GRID1: variants seen among roughly 807,000 people sequenced by gnomAD.
The protein encoded by GRID1 is glutamate ionotropic receptor delta type subunit 1.
Under a neutral mutation model 98.0 loss-of-function variants are expected in GRID1, and 28 were observed. That is an observed-to-expected ratio of 0.29 (90% CI 0.21 to 0.39). The LOEUF (loss-of-function observed/expected upper bound fraction) is 0.39. Among genes scored for constraint, GRID1 ranks in the 10% least tolerant of loss-of-function variants. The probability of loss-of-function intolerance (pLI) is 1.00; values close to 1 mark genes in which losing one functional copy is unlikely to be tolerated. For missense variants in GRID1, 1,111 were observed against 1,340.5 expected, an observed-to-expected ratio of 0.83 and a Z score of 2.67; for synonymous variants, 553 against 538.5, an observed-to-expected ratio of 1.03 and a Z score of -0.37.
At chr10:85,743,376 C>T (rs1258135585) in intron 8 of GRID1, among the ~76,000 whole-genome samples, 1 of 152,092 alleles carries the variant, frequency 6.6e-6, no homozygotes, top group African/African-American at 2.4e-5. Flanking sequence ...AAGCCCTGAC[C>T]AAATTTCTGA....
intron 12 of GRID1, among the ~76,000 whole-genome samples, chr10:85,714,686 G>A (rs1396610352): frequency 6.6e-6 from 1 of 151,968 alleles, no homozygotes; most frequent in Non-Finnish European, 1.5e-5. Flanking sequence ...ACACCAAGGA[G>A]GTGAAAAATC....
At chr10:85,896,120 C>T (rs1841290075) in intron 5 of GRID1, among the ~76,000 whole-genome samples, 1 of 152,164 alleles carries the variant, frequency 6.6e-6, no homozygotes, top group African/African-American at 2.4e-5. Context: ...CTCTTTGAAT[C>T]TGTTCATTCA....
In GRID1 at chr10:85,846,239, T is replaced by C. The variant is rs1322916875; in HGVS notation, c.1233+8257A>G. On this transcript the variant is annotated intron_variant, in intron 8 of 15. Coordinates refer to ENST00000327946, the MANE Select transcript of GRID1 (RefSeq NM_017551.3). ...ACCTCATATAAAAAGTTTTTTAAAA[T>C]AGCAATAAAATTGGCCAGGTGCAGT... 3.9e-5 allele frequency among the ~76,000 whole-genome samples: 6 copies of C among 152,252 alleles called. No homozygotes were observed. In the East Asian group the frequency reaches 1.2e-3, roughly 29 times the overall value.
At chr10:85,850,971 C>T (rs892762333) in intron 8 of GRID1, among the ~76,000 whole-genome samples, 2 of 152,318 alleles carry the variant, frequency 1.3e-5, no homozygotes, top group Non-Finnish European at 1.5e-5. Flanking sequence ...CCGCTCCCTA[C>T]ACCCAGCAGC....
chr10:86,084,200 G>A (rs533372854), intron 4 of GRID1, among the ~76,000 whole-genome samples: 21 of 152,076 alleles, frequency 1.4e-4, no homozygotes, highest in Non-Finnish European at 2.9e-4. Context: ...GGCGCCCTAG[G>A]TGCCCAGCCA....
chr10:86,318,967 G>C (rs985579399), intron 2 of GRID1, among the ~76,000 whole-genome samples: 1 of 152,172 alleles, frequency 6.6e-6, no homozygotes, highest in African/African-American at 2.4e-5. Flanking sequence ...GGCTTGTCAT[G>C]GGTTTTAAGA....
At chr10:86,096,367 A>C (rs770242952) in intron 4 of GRID1, among the ~76,000 whole-genome samples, 2 of 152,210 alleles carry the variant, frequency 1.3e-5, no homozygotes, top group South Asian at 2.1e-4. Context: ...TGGCTGAAGG[A>C]GTTGCCCACA....
At chr10:86,063,049 C>A (rs1392529236) in intron 4 of GRID1, among the ~76,000 whole-genome samples, 2 of 152,228 alleles carry the variant, frequency 1.3e-5, no homozygotes, top group African/African-American at 4.8e-5. Flanking sequence ...CAAGCCCCAG[C>A]CCAGGAAGAG....
chr10:85,745,521 A>G (rs1264087929), intron 8 of GRID1, among the ~76,000 whole-genome samples: 4 of 131,920 alleles, frequency 3.0e-5, no homozygotes, highest in African/African-American at 1.2e-4. Context: ...GAATTGAACA[A>G]TGAGATCACA....
chr10:85,759,387 G>T (rs1338534563), intron 8 of GRID1, among the ~76,000 whole-genome samples: 4 of 152,166 alleles, frequency 2.6e-5, no homozygotes, highest in African/African-American at 9.7e-5. Context: ...AGCTGCTCTT[G>T]GGAAAAGACC....
At position 86,163,663 on chromosome 10, in the gene GRID1, C is replaced by A. The variant is rs570124321; in HGVS notation, c.521-24639G>T. ...TCAGAGGCTGAGACTTTGAGCCTTG[C>A]CCCTGCAGTTGGCCTCTGGCTGCTC... On this transcript the variant is annotated intron_variant, in intron 3 of 15. Transcript: ENST00000327946. Among the ~76,000 whole-genome samples, 4 of 152,266 alleles carry A rather than the reference C, an allele frequency of 2.6e-5. No homozygotes were observed. The East Asian group carries it at 7.8e-4, about 30-fold the overall frequency.
rs756994526 is a variant in GRID1, at chr10:85,602,487, G to C, written c.2816C>G (p.Thr939Ser). 6.2e-6 allele frequency: 10 copies of C among 1,614,038 alleles called. No individual in the cohort carries two copies. Among genetic ancestry groups the C allele is most frequent in the Non-Finnish European group, 8.5e-6 (10 of 1,180,018 alleles). ...TFLPEQSSHG[T>S]SRTLSSGPSS... ...GGGCCCTGATGAGAGTGTCCGGCTG[G>C]TGCCATGGCTGCTCTGCTCTGGCAG... The change falls in exon 16 of 16, where the codon ACC becomes AGC. Residue 939 changes from threonine (T) to serine (S), a missense_variant. Transcript: ENST00000327946.
intron 4 of GRID1, among the ~76,000 whole-genome samples, chr10:85,948,393 G>C (rs546900096): frequency 1.1e-4 from 17 of 152,222 alleles, no homozygotes; most frequent in Non-Finnish European, 1.9e-4. Context: ...GTCCTTTTGG[G>C]AAGCTGCATT....
intron 2 of GRID1, among the ~76,000 whole-genome samples, chr10:86,285,494 C>G (rs902368926): frequency 6.6e-6 from 1 of 152,234 alleles, no homozygotes; most frequent in Non-Finnish European, 1.5e-5. Context: ...TTAAATGCCC[C>G]AGCCCAGGGC....
intron 10 of GRID1, among the ~76,000 whole-genome samples, chr10:85,726,397 A>G (rs1158092063): frequency 1.3e-5 from 2 of 152,214 alleles, no homozygotes; most frequent in African/African-American, 4.8e-5. Flanking sequence ...TGGAGACCAC[A>G]CAGGGTTTCT....
chr10:85,749,993 C>T (rs541581078), intron 8 of GRID1, among the ~76,000 whole-genome samples: 2 of 152,246 alleles, frequency 1.3e-5, no homozygotes, highest in South Asian at 4.1e-4. Flanking sequence ...TTGTCTATCT[C>T]CCCTCACTGG....
At chr10:86,251,457 C>T (rs1846830769) in intron 2 of GRID1, among the ~76,000 whole-genome samples, 1 of 152,184 alleles carries the variant, frequency 6.6e-6, no homozygotes, top group African/African-American at 2.4e-5. Flanking sequence ...TCCTCATACC[C>T]GAGGCTCAGT....
intron 4 of GRID1, among the ~76,000 whole-genome samples, chr10:85,998,526 T>A (rs763755123): frequency 6.6e-5 from 10 of 151,630 alleles, no homozygotes; most frequent in Non-Finnish European, 1.5e-4. Context: ...ATACTTATAC[T>A]AAAAAAAAGA....
intron 4 of GRID1, among the ~76,000 whole-genome samples, chr10:85,938,599 C>T (rs1589305942): frequency 6.6e-6 from 1 of 152,094 alleles, no homozygotes; most frequent in South Asian, 2.1e-4. Flanking sequence ...TGCCACGATA[C>T]AAACGAGCCA....
Sources: gnomAD v4.1 joint callset for allele counts (sites outside exome capture counted in the v4.1 genomes callset) on GRCh38, gnomAD v4.1.1 for gene constraint, MANE v1.5 for transcripts, NCBI Gene and HGNC (gene_info 2026-07-23, HGNC 2026-07-21) for gene names.